The following RNF180 variants were observed in gnomAD, a reference collection of about 807,000 sequenced individuals.
The protein encoded by RNF180 is ring finger protein 180.
Under a neutral mutation model 59.2 loss-of-function variants are expected in RNF180, and 38 were observed. That is an observed-to-expected ratio of 0.64 (90% CI 0.50 to 0.84). The LOEUF (loss-of-function observed/expected upper bound fraction) is 0.84. RNF180 is among the 40% of genes least tolerant of loss of function. RNF180 has a pLI of 0.00. For missense variants in RNF180, 705 were observed against 700.9 expected, an observed-to-expected ratio of 1.01 and a Z score of -0.07; for synonymous variants, 262 against 240.3, an observed-to-expected ratio of 1.09 and a Z score of -0.84.
chr5:64,273,171 C>G (rs1741514956), intron 5 of RNF180, among the ~76,000 whole-genome samples: 1 of 151,914 alleles, frequency 6.6e-6, no homozygotes, highest in East Asian at 1.9e-4. Context: ...AGCACCATGA[C>G]ACTTTACAGA....
chr5:64,175,164 T>C (rs1483424286), intron 1 of RNF180, among the ~76,000 whole-genome samples: 5 of 151,850 alleles, frequency 3.3e-5, no homozygotes, highest in African/African-American at 1.2e-4. Context: ...ATGGGGTTTC[T>C]CCATGTTGGT....
At chr5:64,302,801 T>C (rs1366941063) in intron 5 of RNF180, among the ~76,000 whole-genome samples, 1 of 151,680 alleles carries the variant, frequency 6.6e-6, no homozygotes, top group Non-Finnish European at 1.5e-5. Context: ...TTGTAGGGGC[T>C]ACACTTAATC....
chr5:64,325,125 G>C (rs1324467081), intron 5 of RNF180, 61 bp from the exon 6 acceptor site: 19 of 1,028,114 alleles, frequency 1.8e-5, no homozygotes, highest in South Asian at 1.5e-5. Context: ...AAATATAAAG[G>C]CTATCTTAAG....
chr5:64,217,466 C>T (rs1752693546), intron 5 of RNF180, 70 bp downstream of exon 5: 14 of 1,321,840 alleles, frequency 1.1e-5, no homozygotes, highest in Non-Finnish European at 1.4e-5. Flanking sequence ...ATTTTGCATT[C>T]CAAGCAGCAA....
At chr5:64,268,997 A>G (rs902212258) in intron 5 of RNF180, among the ~76,000 whole-genome samples, 4 of 152,186 alleles carry the variant, frequency 2.6e-5, no homozygotes, top group Admixed American at 6.6e-5. Context: ...TTGCATACCT[A>G]CATCCAGATT....
intron 1 of RNF180, among the ~76,000 whole-genome samples, chr5:64,192,529 G>C (rs1751210442): frequency 6.6e-6 from 1 of 151,884 alleles, no homozygotes; most frequent in Non-Finnish European, 1.5e-5. Flanking sequence ...AAAATTACCT[G>C]GGCGTGGTGG....
At chr5:64,309,764 T>C (rs1743664653) in intron 5 of RNF180, among the ~76,000 whole-genome samples, 1 of 151,688 alleles carries the variant, frequency 6.6e-6, no homozygotes, top group African/African-American at 2.4e-5. Flanking sequence ...TTTAGTAATA[T>C]ATATAAATAA....
intron 3 of RNF180, 125 bp downstream of exon 3, chr5:64,212,285 T>C: frequency 1.6e-6 from 1 of 635,016 alleles, no homozygotes; most frequent in South Asian, 1.9e-5. Flanking sequence ...TCACTCCCAT[T>C]ACCTCTCTTC....
intron 7 of RNF180, among the ~76,000 whole-genome samples, chr5:64,359,728 G>A (rs1375549944): frequency 1.3e-5 from 2 of 151,930 alleles, no homozygotes; most frequent in African/African-American, 4.8e-5. Flanking sequence ...TGTCCTGAAT[G>A]GTAATGCCTA....
At chr5:64,204,245 T>G (rs1171411831) in intron 2 of RNF180, among the ~76,000 whole-genome samples, 1 of 152,214 alleles carries the variant, frequency 6.6e-6, no homozygotes, top group Non-Finnish European at 1.5e-5. Context: ...GATAGTCATT[T>G]GGGTTACATC....
chr5:64,325,267 G>C lies in RNF180; in HGVS notation c.1309G>C (p.Asp437His). 6.4e-7 allele frequency: 1 copy of C among 1,551,424 alleles called. No homozygotes were observed. The highest frequency in any genetic ancestry group is 8.7e-7 in the Non-Finnish European group (1 of 1,146,746). Residue 437 changes from aspartate to histidine, a missense_variant, in exon 6 of 8, where the codon GAC becomes CAC. Coordinates refer to ENST00000389100, the MANE Select transcript of RNF180 (RefSeq NM_001113561.2). ...TAGCTACATCTGTGCAGTGTGTCTG[G>C]ACGTTTATTTCAACCCTTATATGTG... The part of the protein sequence containing the change: ...KDSYICAVCL[D>H]VYFNPYMCYP...
intron 2 of RNF180, among the ~76,000 whole-genome samples, chr5:64,210,483 A>G (rs1752256877): frequency 6.6e-6 from 1 of 152,200 alleles, no homozygotes; most frequent in Non-Finnish European, 1.5e-5. Flanking sequence ...GGAAAATCTG[A>G]TAACATCTGT....
rs201825566 is a variant in RNF180 at position 64,367,564 on chromosome 5, TA to T, written c.1580-2048del. 8.6e-3 allele frequency among the ~76,000 whole-genome samples: 1,303 copies of T among 151,770 alleles called. 18 individuals carry two copies. The highest frequency in any genetic ancestry group is 0.03 in the African/African-American group (1,239 of 41,494). On this transcript the variant is annotated intron_variant, in intron 7 of 7. Transcript: ENST00000389100. Reference sequence around the variant, plus strand: ...ATTTCATGTTTTGAACCTACGTAAGTAAATATAATTTCCAAATAAACTTAAT... The same window carrying T: ...ATTTCATGTTTTGAACCTACGTAAGTAATATAATTTCCAAATAAACTTAAT...
intron 7 of RNF180, among the ~76,000 whole-genome samples, chr5:64,369,003 G>A (rs373703768): frequency 5.9e-5 from 9 of 151,816 alleles, no homozygotes; most frequent in East Asian, 1.9e-4. Context: ...ATAAAGACAC[G>A]TGCACACGTA....
intron 7 of RNF180, among the ~76,000 whole-genome samples, chr5:64,367,731 T>C (rs775617191): frequency 1.1e-4 from 16 of 151,642 alleles, no homozygotes; most frequent in Non-Finnish European, 2.2e-4. Context: ...TTATAATGAG[T>C]GAACCAGAGT....
intron 7 of RNF180, among the ~76,000 whole-genome samples, chr5:64,342,460 G>A (rs568273647): frequency 1.3e-5 from 2 of 152,148 alleles, no homozygotes; most frequent in East Asian, 1.9e-4. Context: ...ACATATAGCC[G>A]ATTTTCTACA....
chr5:64,309,860 TTTTATA>T lies in RNF180; in HGVS notation c.1228-15317_1228-15312del, dbSNP rs1472208038. 9.2e-5 allele frequency among the ~76,000 whole-genome samples: 14 copies of T among 151,826 alleles called. No homozygotes were observed. The South Asian group carries it at 2.9e-3, about 31-fold the overall frequency. On this transcript the variant is annotated intron_variant, in intron 5 of 7. Transcript: ENST00000389100. The stretch of plus-strand genomic sequence containing the variant: ...TCTTAGCAGTGTCAGGTTGACTGGC[TTTTATA>T]TTTATATTAATTTTTCCATTCATCT...
At chr5:64,183,941 C>G (rs1158962198) in intron 1 of RNF180, among the ~76,000 whole-genome samples, 1 of 152,182 alleles carries the variant, frequency 6.6e-6, no homozygotes, top group Non-Finnish European at 1.5e-5. Context: ...TTCCTAGTAC[C>G]TCCGAACATG....
chr5:64,273,431 A>G (rs895797919), intron 5 of RNF180, among the ~76,000 whole-genome samples: 1 of 152,046 alleles, frequency 6.6e-6, no homozygotes, highest in African/African-American at 2.4e-5. Flanking sequence ...CAGAAGAGAA[A>G]AAAAAGAGAA....
Sources: gnomAD v4.1 joint callset for allele counts (sites outside exome capture counted in the v4.1 genomes callset) on GRCh38, gnomAD v4.1.1 for gene constraint, MANE v1.5 for transcripts, NCBI Gene and HGNC (gene_info 2026-07-23, HGNC 2026-07-21) for gene names.